Variants in FBXO34 observed in about 807,000 individuals in gnomAD.
FBXO34 encodes F-box protein 34, also known as F-box only protein 34.
A neutral mutation model predicts 24.5 loss-of-function variants in FBXO34; 12 were observed. The ratio of observed to expected loss-of-function variants is 0.49; its 90% confidence interval spans 0.31 to 0.79. The LOEUF (loss-of-function observed/expected upper bound fraction) is 0.79, where lower values mean the gene tolerates loss of function less well. Ranked by LOEUF, FBXO34 falls within the 30% of genes least tolerant of loss-of-function variation. The pLI, the probability that FBXO34 is intolerant of heterozygous loss-of-function variation, is 0.04. For synonymous variants in FBXO34, 320 were observed against 311.9 expected (o/e 1.03, Z -0.27); for missense variants, 823 against 857.7 (o/e 0.96, Z 0.51).
At chr14:55,301,120 C>G (rs1237808997) in intron 1 of FBXO34, among the ~76,000 whole-genome samples, 1 of 152,116 alleles carries the variant, frequency 6.6e-6, no homozygotes, top group Non-Finnish European at 1.5e-5. Context: ...CAAGAAAAAT[C>G]AGCTCTGTAG....
chr14:55,442,478 A>G, the FBXO34 span, among the ~76,000 whole-genome samples: 1 of 152,068 alleles, frequency 6.6e-6, no homozygotes, highest in Non-Finnish European at 1.5e-5. Context: ...TTGATAACTA[A>G]TTTTAATGTC....
At chr14:55,380,892 T>G in the FBXO34 span, among the ~76,000 whole-genome samples, 30 of 138,880 alleles carry the variant, frequency 2.2e-4, no homozygotes, top group African/African-American at 8.2e-4. Context: ...TTTTTTTTTT[T>G]GCTGAGAGCA....
At chr14:55,397,999 G>C in the FBXO34 span, among the ~76,000 whole-genome samples, 147 of 149,704 alleles carry the variant, frequency 9.8e-4, 1 homozygote, top group Middle Eastern at 6.8e-3. Flanking sequence ...CCAGGCTGGG[G>C]TGTAGTGGTG....
At chr14:55,365,478 A>G (rs1413197390), downstream of FBXO34, among the ~76,000 whole-genome samples, 2 of 152,182 alleles carry the variant, frequency 1.3e-5, no homozygotes, top group Non-Finnish European at 2.9e-5. Context: ...GCTGAGGTGC[A>G]GATGGCTTGC....
the FBXO34 span, chr14:55,429,025 A>C: frequency 6.3e-7 from 1 of 1,594,494 alleles, no homozygotes; most frequent in Non-Finnish European, 8.6e-7. Context: ...ACATCCTCTC[A>C]ACTACTGGTG....
chr14:55,311,075 T>C (rs1882722200), intron 1 of FBXO34, among the ~76,000 whole-genome samples: 1 of 152,210 alleles, frequency 6.6e-6, no homozygotes, highest in African/African-American at 2.4e-5. Flanking sequence ...GCAAAAAAAC[T>C]GCCTGAGACT....
At chr14:55,429,423 C>A in the FBXO34 span, among the ~76,000 whole-genome samples, 1 of 152,194 alleles carries the variant, frequency 6.6e-6, no homozygotes, top group African/African-American at 2.4e-5. Context: ...GTGCTGCTCA[C>A]TGCAGTTTGG....
At chr14:55,362,077 T>G (rs1487827100), downstream of FBXO34, among the ~76,000 whole-genome samples, 1 of 152,242 alleles carries the variant, frequency 6.6e-6, no homozygotes, top group Non-Finnish European at 1.5e-5. Context: ...CTTACTAAGC[T>G]TAATCATTTC....
chr14:55,301,657 A>G (rs541961657), intron 1 of FBXO34, among the ~76,000 whole-genome samples: 9 of 152,284 alleles, frequency 5.9e-5, no homozygotes, highest in African/African-American at 2.2e-4. Context: ...AAGTATGTCC[A>G]TAATTAATTG....
downstream of FBXO34, among the ~76,000 whole-genome samples, chr14:55,373,010 G>GGGTCCTGGC (rs1555341400): frequency 6.6e-6 from 1 of 151,670 alleles, no homozygotes; most frequent in Admixed American, 6.6e-5. Flanking sequence ...AGAGCAGGAG[G>GGGTCCTGGC]AGAGGCCCCT....
At chr14:55,344,054 T>C (rs954317089) in intron 1 of FBXO34, among the ~76,000 whole-genome samples, 7 of 152,212 alleles carry the variant, frequency 4.6e-5, no homozygotes, top group Admixed American at 3.3e-4. Flanking sequence ...GCTCAAATTA[T>C]ACCTGGTTCA....
chr14:55,441,980 C>G, the FBXO34 span, among the ~76,000 whole-genome samples: 16 of 150,428 alleles, frequency 1.1e-4, no homozygotes, highest in Non-Finnish European at 2.2e-4. Context: ...CCAGGCTGGT[C>G]TCAATCTCCT....
chr14:55,400,909 T>TAAAATAAAATA, the FBXO34 span, among the ~76,000 whole-genome samples: 12 of 143,358 alleles, frequency 8.4e-5, no homozygotes, highest in African/African-American at 2.6e-4. Context: ...CTCAAATAAA[T>TAAAATAAAATA]AAATAAAATA....
At chr14:55,347,486 A>G (rs1884196894) in intron 1 of FBXO34, among the ~76,000 whole-genome samples, 2 of 152,328 alleles carry the variant, frequency 1.3e-5, no homozygotes, top group South Asian at 4.1e-4. Flanking sequence ...TGATGGGGAA[A>G]GGCTAACCTC....
chr14:55,413,031 C>T, the FBXO34 span, among the ~76,000 whole-genome samples: 8,588 of 152,294 alleles, frequency 0.056, 322 homozygotes, highest in South Asian at 0.084. Flanking sequence ...TCTTCTTAAT[C>T]TTACCCAGTC....
At chr14:55,325,988 A>G (rs1334536156) in intron 1 of FBXO34, 2 of 152,226 alleles carry the variant, frequency 1.3e-5, no homozygotes, top group Non-Finnish European at 2.9e-5. Flanking sequence ...GAGCCAACTC[A>G]TTCTTGAAGT....
At chr14:55,390,198 G>A in the FBXO34 span, among the ~76,000 whole-genome samples, 5 of 152,014 alleles carry the variant, frequency 3.3e-5, no homozygotes, top group African/African-American at 1.2e-4. Flanking sequence ...AGCCTCCTGA[G>A]TAGCTGGGAT....
chr14:55,395,686 C>T, the FBXO34 span, among the ~76,000 whole-genome samples: 8,856 of 152,238 alleles, frequency 0.058, 324 homozygotes, highest in South Asian at 0.089. Context: ...AAAAGAATAA[C>T]AGCCCATTGT....
chr14:55,271,785 G>A (rs1037481210), intron 1 of FBXO34: 8 of 151,906 alleles, frequency 5.3e-5, no homozygotes, highest in Admixed American at 3.3e-4. Flanking sequence ...GCCACGGAGG[G>A]TCGGGCGGGT....
Sources: allele counts gnomAD v4.1 joint callset (sites outside exome capture counted in the v4.1 genomes callset), GRCh38; gene constraint gnomAD v4.1.1; transcripts MANE v1.5; gene names NCBI Gene and HGNC (gene_info 2026-07-23, HGNC 2026-07-21).